The following UGT8 variants were observed in gnomAD, a reference collection of about 807,000 sequenced individuals.
UGT8 encodes 2-hydroxyacylsphingosine 1-beta-galactosyltransferase.
A neutral mutation model predicts 40.5 loss-of-function variants in UGT8; 12 were observed. The ratio of observed to expected loss-of-function variants is 0.30; its 90% confidence interval spans 0.19 to 0.48. The LOEUF is 0.48. Among genes scored for constraint, UGT8 ranks in the 20% least tolerant of loss-of-function variants. UGT8 has a pLI of 0.99. For synonymous variants in UGT8, 224 were observed against 240.4 expected, an observed-to-expected ratio of 0.93 and a Z score of 0.63; for missense variants, 513 against 648.7, an observed-to-expected ratio of 0.79 and a Z score of 2.27.
intron 2 of UGT8, among the ~76,000 whole-genome samples, chr4:114,651,182 A>G (rs1178038262): frequency 6.6e-6 from 1 of 151,930 alleles, no homozygotes; most frequent in Non-Finnish European, 1.5e-5. Context: ...AGCGGGGAAA[A>G]ATTACTTCCT....
intron 2 of UGT8, among the ~76,000 whole-genome samples, chr4:114,632,390 T>A (rs1394589800): frequency 6.6e-6 from 1 of 152,176 alleles, no homozygotes; most frequent in South Asian, 2.1e-4. Flanking sequence ...CAGGGTGGAT[T>A]TTCAGAAAAA....
rs1336769354 is a variant in UGT8, at chr4:114,641,716, C to T, written c.822+18014C>T. On this transcript the variant is annotated intron_variant, in intron 2 of 5. Coordinates refer to ENST00000310836, the MANE Select transcript of UGT8 (RefSeq NM_001128174.3). ...ACCACTGTAGTAAACTGGAGAAAAA[C>T]GAGAGAGGAGAATGGAACAGAAAAA... is the stretch of plus-strand genomic sequence containing the variant. 8.6e-5 allele frequency among the ~76,000 whole-genome samples: 13 copies of T among 152,006 alleles called. No homozygotes were observed. The East Asian group carries it at 1.7e-3, about 20-fold the overall frequency.
At chr4:114,671,399 G>A (rs895593868) in intron 5 of UGT8, among the ~76,000 whole-genome samples, 18 of 152,246 alleles carry the variant, frequency 1.2e-4, no homozygotes, top group African/African-American at 4.3e-4. Context: ...CAAAGCTGGA[G>A]GCATTACGCT....
In UGT8 at chr4:114,622,934, G is replaced by A. The variant is rs542236085; in HGVS notation, c.54G>A (p.Ala18=). ...TCCTGTGGAGTGCTGTTGGGATAGC[G>A]AAGGCTGCCAAAATCATCATCGTGC... is the stretch of plus-strand genomic sequence containing the variant. ...FILLWSAVGI[A]KAAKIIIVPP... Residue 18 remains alanine, a synonymous_variant, in exon 2 of 6, where the codon GCG becomes GCA. Transcript: ENST00000310836. 41 of 1,613,918 alleles carry A rather than the reference G, an allele frequency of 2.5e-5. No individual in the cohort carries two copies. Among genetic ancestry groups the A allele is most frequent in the South Asian group, 1.2e-4 (11 of 91,078 alleles).
At chr4:114,675,217 C>G (rs919031364) in intron 5 of UGT8, among the ~76,000 whole-genome samples, 1 of 152,036 alleles carries the variant, frequency 6.6e-6, no homozygotes, top group East Asian at 1.9e-4. Context: ...ATCTTTTTCT[C>G]CATCTTTCTT....
Position 114,632,969 on chromosome 4 carries a change from G to A in UGT8, c.822+9267G>A, listed in dbSNP as rs114416158. 7.2e-3 allele frequency among the ~76,000 whole-genome samples: 1,099 copies of A among 152,186 alleles called. 15 individuals are homozygous for A. Among genetic ancestry groups the A allele is most frequent in the African/African-American group, 0.025 (1,018 of 41,506 alleles). On this transcript the variant is annotated intron_variant, in intron 2 of 5. Transcript: ENST00000310836. Reference sequence around the variant, plus strand: ...CTTGATAAATATTGTTAAAACCTTGGGGCTAACTAAATTCCTTGACTACCA... The same window carrying A: ...CTTGATAAATATTGTTAAAACCTTGAGGCTAACTAAATTCCTTGACTACCA...
chr4:114,675,705 A>C, intron 5 of UGT8: 1 of 191,484 alleles, frequency 5.2e-6, no homozygotes, highest in Non-Finnish European at 7.8e-6. Context: ...CCGCCACTGC[A>C]CTCCAGCCTG....
At position 114,665,690 on chromosome 4, in the gene UGT8, C is replaced by T; in HGVS notation, c.976C>T (p.Pro326Ser). The change falls in exon 4 of 6, where the codon CCC (proline) becomes TCC (serine). Residue 326 changes from proline (P) to serine (S), a missense_variant. Pro to Ser is a moderately conservative substitution (Grantham distance 74). This residue lies in a region of UGT8 where 335 missense variants were observed against 444.8 expected (regional missense o/e 0.75). Coordinates refer to ENST00000310836, the MANE Select transcript of UGT8 (RefSeq NM_001128174.3). Reference protein sequence around the residue: ...PQKVIWRFSGPKPKNLGNNTK... With the variant: ...PQKVIWRFSGSKPKNLGNNTK... ...TGGTGTACATTTTAGGTTTTCTGGA[C>T]CCAAACCAAAGAATCTAGGAAACAA... 4 of 1,604,968 alleles carry T rather than the reference C, an allele frequency of 2.5e-6. No homozygotes were observed. The highest frequency in any genetic ancestry group is 3.4e-6 in the Non-Finnish European group (4 of 1,176,518).
At chr4:114,627,822 G>T (rs1732331740) in intron 2 of UGT8, among the ~76,000 whole-genome samples, 1 of 152,226 alleles carries the variant, frequency 6.6e-6, no homozygotes, top group Non-Finnish European at 1.5e-5. Flanking sequence ...GCACCTAATA[G>T]CACTTTAACT....
chr4:114,619,102 A>G (rs1731613702), intron 1 of UGT8, among the ~76,000 whole-genome samples: 1 of 152,086 alleles, frequency 6.6e-6, no homozygotes, highest in Non-Finnish European at 1.5e-5. Context: ...ATATTTTTCC[A>G]ATGAACATAG....
chr4:114,667,757 G>T, intron 4 of UGT8: 1 of 409,798 alleles, frequency 2.4e-6, no homozygotes. Context: ...CTCTGGTATT[G>T]TTTGGCATTT....
intron 2 of UGT8, among the ~76,000 whole-genome samples, chr4:114,641,569 T>C (rs1185547499): frequency 6.6e-6 from 1 of 152,194 alleles, no homozygotes; most frequent in East Asian, 1.9e-4. Flanking sequence ...TTTATTCATA[T>C]ACGTTTATCT....
intron 2 of UGT8, among the ~76,000 whole-genome samples, chr4:114,647,252 TTA>T (rs1733626193): frequency 6.6e-6 from 1 of 152,170 alleles, no homozygotes; most frequent in African/African-American, 2.4e-5. Flanking sequence ...TGATTTTCTT[TTA>T]TGTCATTACT....
At chr4:114,659,268 C>G (rs1734374258) in intron 2 of UGT8, among the ~76,000 whole-genome samples, 1 of 152,122 alleles carries the variant, frequency 6.6e-6, no homozygotes, top group African/African-American at 2.4e-5. Context: ...ATGACTTAAT[C>G]CTACAAGAAG....
chr4:114,668,000 G>A, intron 4 of UGT8, 85 bp from the exon 5 acceptor site: 2 of 1,537,606 alleles, frequency 1.3e-6, no homozygotes, highest in Non-Finnish European at 1.7e-6. Context: ...GTTTACTGTA[G>A]TGCCGATTTT....
chr4:114,637,741 C>G (rs1477405928), intron 2 of UGT8, among the ~76,000 whole-genome samples: 2 of 152,182 alleles, frequency 1.3e-5, no homozygotes, highest in Non-Finnish European at 2.9e-5. Context: ...AATTATATAC[C>G]TGCTAAACAG....
rs1735013399 is a variant in UGT8 at position 114,668,232 on chromosome 4, T to A, written c.1190T>A (p.Ile397Lys). Reference protein sequence around the residue: ...MTRVQAKGMGILLEWKTVTEK... With the variant: ...MTRVQAKGMGKLLEWKTVTEK... ...AGAGTACAGGCAAAAGGCATGGGGA[T>A]ATTGCTAGAATGGAAGACAGTTACT... Residue 397 changes from isoleucine (I) to lysine (K), a missense_variant, in exon 5 of 6, where the codon ATA (isoleucine) becomes AAA (lysine). Physicochemically the swap from Ile to Lys is moderately radical, Grantham distance 102. Coordinates refer to ENST00000310836, the MANE Select transcript of UGT8 (RefSeq NM_001128174.3). The A allele has an allele frequency of 6.2e-7, 1 of 1,613,888 alleles. No homozygotes were observed. The highest frequency in any genetic ancestry group is 8.5e-7 in the Non-Finnish European group (1 of 1,179,832).
chr4:114,629,750 T>C (rs1165601965), intron 2 of UGT8, among the ~76,000 whole-genome samples: 3 of 152,192 alleles, frequency 2.0e-5, no homozygotes, highest in Non-Finnish European at 4.4e-5. Flanking sequence ...GTAAGCATTA[T>C]GGGCTTACAA....
intron 1 of UGT8, among the ~76,000 whole-genome samples, chr4:114,600,072 C>G (rs1730352045): frequency 6.6e-6 from 1 of 152,106 alleles, no homozygotes; most frequent in African/African-American, 2.4e-5. Context: ...TGAGAGAGTT[C>G]TGAGAACTAA....
Sources: gnomAD v4.1 joint callset for allele counts (sites outside exome capture counted in the v4.1 genomes callset) on GRCh38, gnomAD v4.1.1 for gene constraint, gnomAD v4.1.1 regional missense constraint, MANE v1.5 for transcripts, NCBI Gene and HGNC (gene_info 2026-07-23, HGNC 2026-07-21) for gene names.